Variants in CDK6 observed in about 807,000 individuals in gnomAD.
CDK6 encodes the protein cyclin dependent kinase 6, also known as cyclin-dependent kinase 6.
A neutral mutation model predicts 37.1 loss-of-function variants in CDK6; 6 were observed. That is an observed-to-expected ratio of 0.16 (90% CI 0.09 to 0.32). The LOEUF (loss-of-function observed/expected upper bound fraction) is 0.32, where lower values mean the gene tolerates loss of function less well. Among genes scored for constraint, CDK6 ranks in the 10% least tolerant of loss-of-function variants. CDK6 has a pLI of 1.00. For missense variants in CDK6, 224 were observed against 418.9 expected, an observed-to-expected ratio of 0.53 and a Z score of 4.06; for synonymous variants, 160 against 161.3, an observed-to-expected ratio of 0.99 and a Z score of 0.06.
At chr7:92,727,983 T>C (rs902114309) in intron 3 of CDK6, among the ~76,000 whole-genome samples, 1 of 152,244 alleles carries the variant, frequency 6.6e-6, no homozygotes, top group Non-Finnish European at 1.5e-5. Context: ...TCATCATCTT[T>C]AGCCTCTATA....
chr7:92,763,684 T>C (rs1007348208), intron 3 of CDK6, among the ~76,000 whole-genome samples: 4 of 152,232 alleles, frequency 2.6e-5, no homozygotes, highest in African/African-American at 7.2e-5. Flanking sequence ...TGGGCTTAGA[T>C]TGCCTAAACC....
chr7:92,739,879 T>A (rs1798876617), intron 3 of CDK6, among the ~76,000 whole-genome samples: 1 of 152,180 alleles, frequency 6.6e-6, no homozygotes, highest in South Asian at 2.1e-4. Flanking sequence ...CTCAGCCTCC[T>A]GAGTAGCTGG....
intron 4 of CDK6, among the ~76,000 whole-genome samples, chr7:92,708,848 A>G (rs1408849288): frequency 6.6e-6 from 1 of 152,206 alleles, no homozygotes; most frequent in Non-Finnish European, 1.5e-5. Context: ...AGAAATTACT[A>G]TACATATTCA....
chr7:92,714,604 C>T (rs1306969239), intron 4 of CDK6, among the ~76,000 whole-genome samples: 1 of 152,048 alleles, frequency 6.6e-6, no homozygotes, highest in Non-Finnish European at 1.5e-5. Flanking sequence ...TCTTGTCTTT[C>T]CAGGAAAAAG....
At chr7:92,815,086 G>A (rs947383758) in intron 2 of CDK6, among the ~76,000 whole-genome samples, 2 of 152,174 alleles carry the variant, frequency 1.3e-5, no homozygotes, top group South Asian at 2.1e-4. Context: ...AAGGGAGGAA[G>A]AAGGGCAGCC....
chr7:92,692,582 G>C (rs544778194), intron 4 of CDK6, among the ~76,000 whole-genome samples: 2 of 152,108 alleles, frequency 1.3e-5, no homozygotes, highest in Admixed American at 6.5e-5. Context: ...CCAGGAGTTC[G>C]AGACCAGCCT....
At position 92,834,207 on chromosome 7, in the gene CDK6, G is replaced by A. The variant is rs768844387; in HGVS notation, c.-367-517C>T. On this transcript the variant is annotated intron_variant, in intron 1 of 7. Transcript: ENST00000424848. The surrounding 1 kb of genome is among the most constrained non-coding windows in gnomAD (Gnocchi z 4.6). ...GTCCATCCGTGTGGGGCCGCAGAAT[G>A]TGGGTGGGGGCTCCCAGGACCCTGT... 5.9e-5 allele frequency among the ~76,000 whole-genome samples: 9 copies of A among 152,314 alleles called. No homozygotes were observed. The highest frequency in any genetic ancestry group is 3.4e-3 in the Middle Eastern group (1 of 294).
At chr7:92,751,751 T>C (rs1031381882) in intron 3 of CDK6, among the ~76,000 whole-genome samples, 1 of 152,136 alleles carries the variant, frequency 6.6e-6, no homozygotes, top group South Asian at 2.1e-4. Flanking sequence ...ATGGCCAAAA[T>C]CTAATGAAAA....
intron 3 of CDK6, among the ~76,000 whole-genome samples, chr7:92,732,432 G>A (rs1798672007): frequency 6.6e-6 from 1 of 152,116 alleles, no homozygotes; most frequent in African/African-American, 2.4e-5. Context: ...ATTTTAATAA[G>A]CTTTCTAATG....
At chr7:92,632,889 T>G (rs1012427561) in intron 5 of CDK6, among the ~76,000 whole-genome samples, 1 of 151,860 alleles carries the variant, frequency 6.6e-6, no homozygotes, top group Non-Finnish European at 1.5e-5. Flanking sequence ...TTCCATTCTT[T>G]TCTCTTTTTA....
intron 5 of CDK6, among the ~76,000 whole-genome samples, chr7:92,654,266 C>A (rs1290128295): frequency 6.7e-6 from 1 of 148,350 alleles, no homozygotes; most frequent in Non-Finnish European, 1.5e-5. Flanking sequence ...TAGAAATTTT[C>A]TTCTGATTTA....
At chr7:92,792,227 T>C (rs954306051) in intron 2 of CDK6, among the ~76,000 whole-genome samples, 1 of 152,174 alleles carries the variant, frequency 6.6e-6, no homozygotes, top group Non-Finnish European at 1.5e-5. Flanking sequence ...TTCAGCTGTC[T>C]ATCAGGATCA....
At chr7:92,763,021 C>G (rs916515163) in intron 3 of CDK6, among the ~76,000 whole-genome samples, 1 of 152,146 alleles carries the variant, frequency 6.6e-6, no homozygotes, top group African/African-American at 2.4e-5. Context: ...ACATTCTAAT[C>G]TAAAAGTGGT....
At chr7:92,751,171 AT>A (rs1447302962) in intron 3 of CDK6, among the ~76,000 whole-genome samples, 18 of 152,190 alleles carry the variant, frequency 1.2e-4, no homozygotes. Context: ...CTAAAATTCC[AT>A]TTCTAGTGGT....
intron 3 of CDK6, among the ~76,000 whole-genome samples, chr7:92,759,431 A>G (rs1264705619): frequency 6.6e-6 from 1 of 152,178 alleles, no homozygotes; most frequent in Non-Finnish European, 1.5e-5. Flanking sequence ...TTGATGGCAT[A>G]TAGGCTCACA....
chr7:92,725,240 T>C, intron 4 of CDK6: 1 of 985,458 alleles, frequency 1.0e-6, no homozygotes, highest in Non-Finnish European at 1.2e-6. Flanking sequence ...CTCAAAACCA[T>C]GATGCTGCAG....
intron 4 of CDK6, among the ~76,000 whole-genome samples, chr7:92,687,137 C>A (rs1409603985): frequency 6.6e-6 from 1 of 152,166 alleles, no homozygotes; most frequent in Non-Finnish European, 1.5e-5. Flanking sequence ...CCTCGTGATA[C>A]CCTCTGTGAA....
At chr7:92,832,813 G>C (rs1031221547) in intron 2 of CDK6, among the ~76,000 whole-genome samples, 1 of 152,274 alleles carries the variant, frequency 6.6e-6, no homozygotes, top group East Asian at 1.9e-4. Context: ...CTTCAGGGTG[G>C]GCAGGGAGAA....
At chr7:92,629,103 A>G (rs1795995265) in intron 5 of CDK6, among the ~76,000 whole-genome samples, 1 of 152,076 alleles carries the variant, frequency 6.6e-6, no homozygotes, top group Admixed American at 6.6e-5. Flanking sequence ...AGCCCAAGTA[A>G]TGACAAGGAA....
Sources: allele counts gnomAD v4.1 joint callset (sites outside exome capture counted in the v4.1 genomes callset), GRCh38; gene constraint gnomAD v4.1.1; non-coding constraint Gnocchi (gnomAD v3.1); transcripts MANE v1.5; gene names NCBI Gene and HGNC (gene_info 2026-07-23, HGNC 2026-07-21).